Variants in PCDHA2 observed in about 807,000 individuals in gnomAD.
PCDHA2 encodes protocadherin alpha-2.
A neutral mutation model predicts 66.0 loss-of-function variants in PCDHA2; 58 were observed. The observed-to-expected ratio is 0.88, with a 90% CI of 0.71 to 1.09. PCDHA2 has a LOEUF of 1.09. Ranked by LOEUF, PCDHA2 falls within the 50% of genes least tolerant of loss-of-function variation. The pLI is 0.00. For missense variants in PCDHA2, 1,267 were observed against 1,242.3 expected, an observed-to-expected ratio of 1.02 and a Z score of -0.30; for synonymous variants, 634 against 554.0, an observed-to-expected ratio of 1.14 and a Z score of -2.03.
intron 1 of PCDHA2, among the ~76,000 whole-genome samples, chr5:140,911,786 TG>T (rs1394803815): frequency 6.6e-6 from 1 of 152,212 alleles, no homozygotes; most frequent in Non-Finnish European, 1.5e-5. Flanking sequence ...TTAGCATTTT[TG>T]GGTCTAATCA....
chr5:140,965,539 T>C (rs1554227755), intron 1 of PCDHA2, among the ~76,000 whole-genome samples: 1 of 152,034 alleles, frequency 6.6e-6, no homozygotes, highest in East Asian at 1.9e-4. Context: ...GGAATCCAAA[T>C]TCCAGCCTGG....
intron 1 of PCDHA2, chr5:140,822,694 C>T (rs2150118650): frequency 1.2e-6 from 2 of 1,609,840 alleles, no homozygotes; most frequent in Non-Finnish European, 1.7e-6. Context: ...TAACGGGGAA[C>T]TGGATTATGA....
At chr5:140,811,911 G>C (rs2126632948) in intron 1 of PCDHA2, 30 of 152,262 alleles carry the variant, frequency 2.0e-4, no homozygotes, top group African/African-American at 6.5e-4. Context: ...CCCTTTGTCA[G>C]ATGGGTAGAT....
At chr5:140,885,267 C>CAT (rs1219745687) in intron 1 of PCDHA2, among the ~76,000 whole-genome samples, 1 of 151,978 alleles carries the variant, frequency 6.6e-6, no homozygotes, top group East Asian at 1.9e-4. Context: ...ATTACTCATA[C>CAT]ATATATATAT....
chr5:140,843,159 C>T lies in PCDHA2; in HGVS notation c.2388+45807C>T. 5 of 1,596,084 alleles carry T rather than the reference C, an allele frequency of 3.1e-6. 1 individual carries two copies. The highest frequency in any genetic ancestry group is 4.3e-6 in the Non-Finnish European group (5 of 1,165,594). On this transcript the variant is annotated intron_variant, in intron 1 of 3. Coordinates refer to ENST00000526136, the MANE Select transcript of PCDHA2 (RefSeq NM_018905.3). ...GCGTGGCTTTCGTATGAGCTGCAGC[C>T]AGCTGCAAGCAGCCCTCGCATCCCG...
rs781924329 is a variant in PCDHA2, at chr5:140,856,796, A to T, written c.2388+59444A>T. 42 of 1,595,540 alleles carry T rather than the reference A, an allele frequency of 2.6e-5. 2 individuals carry two copies. The highest frequency in any genetic ancestry group is 1.8e-4 in the South Asian group (16 of 90,506). ...TGACAGACCGGTTTATGAAGTTAAG[A>T]TGTATGAAAATCAAGTGAACCAAAC... On this transcript the variant is annotated intron_variant, in intron 1 of 3. Transcript: ENST00000526136.
intron 1 of PCDHA2, chr5:140,875,861 C>T (rs2055878739): frequency 6.2e-7 from 1 of 1,614,020 alleles, no homozygotes; most frequent in Non-Finnish European, 8.5e-7. Context: ...AACGACAACC[C>T]GCCGGTGTTC....
At chr5:140,935,264 A>G (rs756476804) in intron 1 of PCDHA2, among the ~76,000 whole-genome samples, 3 of 152,196 alleles carry the variant, frequency 2.0e-5, no homozygotes, top group African/African-American at 7.2e-5. Context: ...TCACATGTTT[A>G]TACTAATCTA....
At chr5:140,981,766 T>C (rs1321747581) in intron 2 of PCDHA2, among the ~76,000 whole-genome samples, 7 of 152,144 alleles carry the variant, frequency 4.6e-5, no homozygotes, top group Non-Finnish European at 1.0e-4. Flanking sequence ...CATACATAAA[T>C]GAATACTGCA....
At chr5:140,836,045 C>T (rs2150251351) in intron 1 of PCDHA2, 3 of 1,613,202 alleles carry the variant, frequency 1.9e-6, no homozygotes, top group East Asian at 2.2e-5. Context: ...TGCAGGTGTT[C>T]GTGCTGGACG....
intron 1 of PCDHA2, chr5:140,841,056 A>T: frequency 2.2e-6 from 1 of 445,048 alleles, no homozygotes; most frequent in Non-Finnish European, 3.9e-6. Context: ...TTACTATTAA[A>T]TTATGATAAA....
intron 3 of PCDHA2, among the ~76,000 whole-genome samples, chr5:140,986,748 A>G (rs2097211627): frequency 6.6e-6 from 1 of 152,220 alleles, no homozygotes; most frequent in Non-Finnish European, 1.5e-5. Flanking sequence ...GGGATCTGGG[A>G]CTAAACAGTG....
chr5:140,810,484 T>C (rs1764670672), intron 1 of PCDHA2: 2 of 152,240 alleles, frequency 1.3e-5, no homozygotes, highest in Admixed American at 1.3e-4. Context: ...CCACATCATC[T>C]CTACATTTGT....
chr5:141,000,387 C>CTA (rs2097910380), intron 3 of PCDHA2, among the ~76,000 whole-genome samples: 5 of 66,898 alleles, frequency 7.5e-5, no homozygotes, highest in Non-Finnish European at 1.1e-4. Context: ...CTCTCTCTCT[C>CTA]TCTCTCTCTA....
At chr5:140,875,891 TA>T (rs2055921027) in intron 1 of PCDHA2, 3 of 1,614,128 alleles carry the variant, frequency 1.9e-6, no homozygotes, top group Middle Eastern at 3.3e-4. Flanking sequence ...GAACAAAAGG[TA>T]CCTGTTTCTG....
chr5:141,010,312 G>C lies in PCDHA2; in HGVS notation c.*375G>C. On this transcript the variant is annotated 3_prime_UTR_variant, in exon 4 of 4. Transcript: ENST00000526136. ...TGCAGGGCAGGCTGAAAAGTTTTGA[G>C]ATTGAGCAGCTTGGGAGTTTGTGGC... is the stretch of plus-strand genomic sequence containing the variant. 1 of 1,547,400 alleles carries C rather than the reference G, an allele frequency of 6.5e-7. No individual in the cohort carries two copies. The highest frequency in any genetic ancestry group is 8.7e-7 in the Non-Finnish European group (1 of 1,145,752).
At chr5:140,897,378 C>T (rs992566047) in intron 1 of PCDHA2, among the ~76,000 whole-genome samples, 8 of 144,246 alleles carry the variant, frequency 5.5e-5, no homozygotes, top group Admixed American at 4.3e-4. Context: ...GTTCCCTTCC[C>T]CTTCCTGTGT....
Position 140,795,155 on chromosome 5 carries a change from T to G in PCDHA2, c.191T>G (p.Phe64Cys). Reference sequence around the variant, plus strand: ...CTGGAGGAGCTGGTGCCGCGCCTGTTCCGGGTGGCGTCCAAAAGACACGGG... The same window carrying G: ...CTGGAGGAGCTGGTGCCGCGCCTGTGCCGGGTGGCGTCCAAAAGACACGGG... The part of the protein sequence containing the change: ...LELEELVPRL[F>C]RVASKRHGDL... Residue 64 changes from phenylalanine to cysteine, a missense_variant, in exon 1 of 4, where the codon TTC (phenylalanine) becomes TGC (cysteine). Transcript: ENST00000526136. The G allele has an allele frequency of 6.2e-7, 1 of 1,614,044 alleles. No homozygotes were observed. The highest frequency in any genetic ancestry group is 8.5e-7 in the Non-Finnish European group (1 of 1,180,010).
At chr5:140,822,417 T>A (rs17844289) in intron 1 of PCDHA2, 15 of 1,614,062 alleles carry the variant, frequency 9.3e-6, no homozygotes, top group Non-Finnish European at 1.3e-5. Context: ...TGATTGCAAC[T>A]GATGGAGGAA....
Sources: allele counts gnomAD v4.1 joint callset (sites outside exome capture counted in the v4.1 genomes callset), GRCh38; gene constraint gnomAD v4.1.1; transcripts MANE v1.5; gene names NCBI Gene and HGNC (gene_info 2026-07-23, HGNC 2026-07-21).